DOP1B: variants seen among roughly 807,000 people sequenced by gnomAD.
DOP1B encodes the protein DOP1 leucine zipper like protein B.
Under a neutral mutation model 233.5 loss-of-function variants are expected in DOP1B, and 174 were observed. The ratio of observed to expected loss-of-function variants is 0.75; its 90% CI spans 0.66 to 0.85. The LOEUF (loss-of-function observed/expected upper bound fraction) is 0.85. DOP1B is among the 40% of genes least tolerant of loss of function. The pLI, the probability that DOP1B is intolerant of heterozygous loss-of-function variation, is 0.00. For missense variants in DOP1B, 2,652 were observed against 2,846.6 expected, an observed-to-expected ratio of 0.93 and a Z score of 1.56; for synonymous variants, 1,190 against 1,185.6, an observed-to-expected ratio of 1.00 and a Z score of -0.08.
chr21:36,221,561 C>G (rs1000905871), intron 10 of DOP1B, among the ~76,000 whole-genome samples: 2 of 152,008 alleles, frequency 1.3e-5, no homozygotes, highest in Admixed American at 1.3e-4. Flanking sequence ...TAGACAGTTT[C>G]TGCTTTTTCA....
At position 36,245,094 on chromosome 21, in the gene DOP1B, G is replaced by A. The variant is rs1334092597; in HGVS notation, c.3114G>A (p.Glu1038=). ...WFNRKKTSFR[E]ACAVPEPQES... is the part of the protein sequence containing the mutation. ...ACAGGAAGAAAACCTCTTTCAGAGA[G>A]GCATGCGCAGTGCCCGAGCCTCAGG... The change falls in exon 19 of 37, where the codon GAG becomes GAA. Residue 1038 remains glutamate, a synonymous_variant. Transcript: ENST00000691173. The surrounding 1 kb of genome is among the most constrained non-coding windows in gnomAD (Gnocchi z 5.5). 6.2e-7 allele frequency: 1 copy of A among 1,610,986 alleles called. No homozygotes were observed. The highest frequency in any genetic ancestry group is 8.5e-7 in the Non-Finnish European group (1 of 1,177,474).
At chr21:36,251,849 C>T (rs2067035909) in intron 22 of DOP1B, among the ~76,000 whole-genome samples, 1 of 152,096 alleles carries the variant, frequency 6.6e-6, no homozygotes, top group African/African-American at 2.4e-5. Context: ...GTATATAGTA[C>T]TTGTGTTTAA....
At chr21:36,258,629 C>T (rs1397503714) in intron 23 of DOP1B, among the ~76,000 whole-genome samples, 4 of 152,190 alleles carry the variant, frequency 2.6e-5, no homozygotes, top group East Asian at 1.9e-4. Flanking sequence ...GGCCGTTGGG[C>T]GTCACCCAGT....
chr21:36,220,571 G>A (rs2066612626), intron 10 of DOP1B, among the ~76,000 whole-genome samples: 1 of 152,088 alleles, frequency 6.6e-6, no homozygotes, highest in African/African-American at 2.4e-5. Flanking sequence ...CGTGAACATG[G>A]CTCTCTGCAG....
rs766540600 is a variant in DOP1B, at chr21:36,288,830, G to A, written c.6353+19G>A. Reference sequence around the variant, plus strand: ...CATTGAGGTAAGCAGTACAAGATCTGTACACAAGAGGAAAAGATAGTCACG... The same window carrying A: ...CATTGAGGTAAGCAGTACAAGATCTATACACAAGAGGAAAAGATAGTCACG... On this transcript the variant is annotated intron_variant, in intron 34 of 36. Coordinates refer to ENST00000691173, the MANE Select transcript of DOP1B (RefSeq NM_001320714.2). 2.5e-6 allele frequency: 4 copies of A among 1,595,164 alleles called. No homozygotes were observed. The East Asian group carries it at 8.9e-5, about 36-fold the overall frequency.
chr21:36,276,764 C>T (rs530444499), intron 27 of DOP1B, among the ~76,000 whole-genome samples: 1 of 149,034 alleles, frequency 6.7e-6, no homozygotes, highest in Non-Finnish European at 1.5e-5. Context: ...TTGCTTAAAC[C>T]TGGGAGGTGG....
In DOP1B at chr21:36,175,119, T is replaced by C. The variant is rs545887445; in HGVS notation, c.138+10248T>C. 7.9e-5 allele frequency among the ~76,000 whole-genome samples: 12 copies of C among 151,438 alleles called. No homozygotes were observed. The South Asian group carries it at 1.7e-3, about 21-fold the overall frequency. On this transcript the variant is annotated intron_variant, in intron 2 of 36. Transcript: ENST00000691173. ...ATCCAGATTTCTTCTTCTTCTTCTT[T>C]TTTTTTTTTGAGATGGAGTCTCACT...
chr21:36,266,103 C>T (rs375537429), intron 26 of DOP1B, among the ~76,000 whole-genome samples: 23 of 152,302 alleles, frequency 1.5e-4, no homozygotes, highest in African/African-American at 5.3e-4. Context: ...TCTCACTACC[C>T]ACCCCTTGGG....
intron 28 of DOP1B, 78 bp downstream of exon 28, chr21:36,277,178 C>T (rs1031816682): frequency 3.4e-6 from 5 of 1,486,394 alleles, no homozygotes; most frequent in Non-Finnish European, 4.6e-6. Context: ...TTGTTCATTC[C>T]CAGGTGCCAG....
chr21:36,275,050 G>C (rs2067335600), intron 27 of DOP1B, among the ~76,000 whole-genome samples: 1 of 151,980 alleles, frequency 6.6e-6, no homozygotes. Flanking sequence ...TCACCATGTT[G>C]GCCAGGCTGG....
chr21:36,170,831 A>T (rs1254069135), intron 2 of DOP1B, among the ~76,000 whole-genome samples: 1 of 150,838 alleles, frequency 6.6e-6, no homozygotes, highest in Non-Finnish European at 1.5e-5. Flanking sequence ...TAACTTTGTT[A>T]GAGTTGTTAC....
intron 28 of DOP1B, among the ~76,000 whole-genome samples, chr21:36,277,344 G>A (rs533047928): frequency 4.6e-5 from 7 of 152,128 alleles, no homozygotes; most frequent in South Asian, 4.2e-4. Context: ...GTGCAGTGGC[G>A]CGATCTCAGC....
rs1314745430 is a variant in DOP1B, at chr21:36,286,513, A to G, written c.6161-1501A>G. 2.6e-5 allele frequency among the ~76,000 whole-genome samples: 4 copies of G among 151,886 alleles called. No homozygotes were observed. In the South Asian group the frequency reaches 6.2e-4, roughly 24 times the overall value. On this transcript the variant is annotated intron_variant, in intron 32 of 36. Coordinates refer to ENST00000691173, the MANE Select transcript of DOP1B (RefSeq NM_001320714.2). ...TAGCTGGGTGTGGTGGTGGGTGCCT[A>G]TAATCCCAGCTACTCGGGAAGCTGA...
intron 4 of DOP1B, among the ~76,000 whole-genome samples, chr21:36,203,599 G>A (rs1221333151): frequency 6.6e-6 from 1 of 151,946 alleles, no homozygotes; most frequent in Admixed American, 6.6e-5. Context: ...GGAATTGAGT[G>A]AAACACCCCA....
chr21:36,217,511 C>A (rs1205994694), intron 9 of DOP1B, among the ~76,000 whole-genome samples: 1 of 152,186 alleles, frequency 6.6e-6, no homozygotes, highest in Non-Finnish European at 1.5e-5. Flanking sequence ...TGTCAGCACC[C>A]CCCGATGCTT....
At chr21:36,225,478 A>G in intron 11 of DOP1B, 87 bp from the exon 12 acceptor site, 1 of 1,453,576 alleles carries the variant, frequency 6.9e-7, no homozygotes, top group Non-Finnish European at 9.5e-7. Context: ...CAGTCCACCC[A>G]TCTCGGCCTC....
At chr21:36,185,133 A>G (rs1032808854) in intron 2 of DOP1B, among the ~76,000 whole-genome samples, 1 of 152,168 alleles carries the variant, frequency 6.6e-6, no homozygotes, top group Non-Finnish European at 1.5e-5. Flanking sequence ...TATGTGCAAT[A>G]AAATATGTTT....
rs994543225 is a variant in DOP1B at position 36,187,196 on chromosome 21, C to T, written c.139-11874C>T. On this transcript the variant is annotated intron_variant, in intron 2 of 36. Transcript: ENST00000691173. ...GGTTAGCTGGCTGTCCTGCCCCTCC[C>T]CTCCCCTCCCTTCCCCTCCTCTCCC... Among the ~76,000 whole-genome samples the T allele has an allele frequency of 4.0e-5, 6 of 150,458 alleles. No individual in the cohort carries two copies. In the South Asian group the frequency reaches 1.3e-3, roughly 32 times the overall value.
In DOP1B at chr21:36,286,714, C is replaced by T. The variant is rs111718254; in HGVS notation, c.6161-1300C>T. On this transcript the variant is annotated intron_variant, in intron 32 of 36. Transcript: ENST00000691173. ...TGGCAGCTCACGCCTGTAATCCCAGCACTTTGGGAGTCCAAGGCAGGTGGA... is the reference window on the plus strand; with the variant it reads ...TGGCAGCTCACGCCTGTAATCCCAGTACTTTGGGAGTCCAAGGCAGGTGGA... Among the ~76,000 whole-genome samples the T allele has an allele frequency of 4.6e-3, 699 of 152,036 alleles. 5 individuals are homozygous for T. The highest frequency in any genetic ancestry group is 0.016 in the African/African-American group (658 of 41,462).
Sources: gnomAD v4.1 joint callset for allele counts (sites outside exome capture counted in the v4.1 genomes callset) on GRCh38, gnomAD v4.1.1 for gene constraint, Gnocchi (gnomAD v3.1) non-coding constraint, MANE v1.5 for transcripts, NCBI Gene and HGNC (gene_info 2026-07-23, HGNC 2026-07-21) for gene names.